The following DOC2B variants were observed in gnomAD, a reference collection of about 807,000 sequenced individuals.
The protein encoded by DOC2B is double C2 domain beta, also known as double C2-like domain-containing protein beta.
In DOC2B, 21 loss-of-function variants were observed where a neutral mutation model predicts 28.9. That is an observed-to-expected ratio of 0.73 (90% CI 0.52 to 1.05). DOC2B has a LOEUF of 1.05. Among genes scored for constraint, DOC2B ranks in the 50% least tolerant of loss-of-function variants. The pLI, the probability that DOC2B is intolerant of heterozygous loss-of-function variation, is 0.00. For missense variants in DOC2B, 384 were observed against 421.1 expected, an observed-to-expected ratio of 0.91 and a Z score of 0.77; for synonymous variants, 194 against 178.1, an observed-to-expected ratio of 1.09 and a Z score of -0.71.
At chr17:179,852 C>T (rs988089372) in intron 1 of DOC2B, among the ~76,000 whole-genome samples, 1 of 152,276 alleles carries the variant, frequency 6.6e-6, no homozygotes, top group Non-Finnish European at 1.5e-5. Flanking sequence ...AAGTGCAAAG[C>T]AGGCAGTTTC....
At chr17:174,422 G>C (rs2151475314) in intron 1 of DOC2B, among the ~76,000 whole-genome samples, 1 of 152,282 alleles carries the variant, frequency 6.6e-6, no homozygotes, top group South Asian at 2.1e-4. Flanking sequence ...CCCTATGGTG[G>C]GTTTTCTAGC....
At position 161,483 on chromosome 17, in the gene DOC2B, C is replaced by T. The variant is rs773765626; in HGVS notation, c.697G>A (p.Val233Met). The T allele has an allele frequency of 3.2e-6, 5 of 1,551,754 alleles. No individual in the cohort carries two copies. Among genetic ancestry groups the T allele is most frequent in the Non-Finnish European group, 4.4e-6 (5 of 1,147,006 alleles). Reference sequence around the variant, plus strand: ...TTGGGTTTCAGCTTCTTCAGGGGCACACGTGTCTCCCCGATGAACTCATTG... The same window carrying T: ...TTGGGTTTCAGCTTCTTCAGGGGCATACGTGTCTCCCCGATGAACTCATTG... The part of the protein sequence containing the change: ...RHNEFIGETR[V>M]PLKKLKPNHT... Residue 233 changes from valine (V) to methionine (M), a missense_variant, in exon 5 of 9, where the codon GTG (valine) becomes ATG (methionine). Val to Met is a conservative substitution (Grantham distance 21). Transcript: ENST00000613549.
chr17:174,962 G>A (rs3794813), intron 1 of DOC2B, among the ~76,000 whole-genome samples: 3 of 152,120 alleles, frequency 2.0e-5, no homozygotes, highest in South Asian at 2.1e-4. Context: ...AAAAATGGCC[G>A]GGTGTGGTGG....
intron 5 of DOC2B, 46 bp from the exon 6 acceptor site, chr17:156,423 C>G: frequency 6.5e-7 from 1 of 1,540,670 alleles, no homozygotes; most frequent in Non-Finnish European, 8.8e-7. Flanking sequence ...TCCCACCCCT[C>G]TCTTGGCCGT....
Position 162,208 on chromosome 17 carries a change from G to C in DOC2B, c.529-18C>G. ...TTATTTGCCTGGAGAAGAGAAAAAT[G>C]ATCTTATTAGCATCAAAGTGTGTAT... On this transcript the variant is annotated intron_variant, in intron 3 of 8. Coordinates refer to ENST00000613549, the MANE Select transcript of DOC2B (RefSeq NM_003585.5). 6.6e-7 allele frequency: 1 copy of C among 1,519,972 alleles called. No homozygotes were observed. Among genetic ancestry groups the C allele is most frequent in the Non-Finnish European group, 8.9e-7 (1 of 1,118,304 alleles). 94.2% of individuals were successfully genotyped at this position (1,519,972 alleles called of 1,614,324 possible).
chr17:173,709 T>C (rs561639169), intron 1 of DOC2B, among the ~76,000 whole-genome samples: 2 of 152,092 alleles, frequency 1.3e-5, no homozygotes, highest in South Asian at 2.1e-4. Context: ...ACCTGAGCCA[T>C]GAGGGATGAG....
chr17:174,185 A>G (rs1439014267), intron 1 of DOC2B, among the ~76,000 whole-genome samples: 2 of 152,196 alleles, frequency 1.3e-5, no homozygotes, highest in African/African-American at 4.8e-5. Flanking sequence ...GGTCAGGCAC[A>G]TGTCTCTGTC....
chr17:171,929 C>T (rs867207907), intron 2 of DOC2B, among the ~76,000 whole-genome samples: 9 of 138,120 alleles, frequency 6.5e-5, no homozygotes, highest in African/African-American at 2.2e-4. Context: ...AGGGGAGCAC[C>T]AGGGGCCGGG....
chr17:180,208 C>T (rs1046334970), intron 1 of DOC2B, among the ~76,000 whole-genome samples: 8 of 152,266 alleles, frequency 5.3e-5, no homozygotes, highest in Non-Finnish European at 7.3e-5. Flanking sequence ...CCACCCCGCG[C>T]AAACCGACTC....
chr17:162,843 C>T (rs2040220947), intron 3 of DOC2B, among the ~76,000 whole-genome samples: 1 of 152,206 alleles, frequency 6.6e-6, no homozygotes, highest in South Asian at 2.1e-4. Context: ...GGACCGTCCC[C>T]TCTGCCTGGA....
rs927554105 is a variant in DOC2B, at chr17:145,025, C to T, written c.*2416G>A. 5 of 152,204 alleles carry T rather than the reference C, an allele frequency of 3.3e-5. No homozygotes were observed. The highest frequency in any genetic ancestry group is 1.2e-4 in the African/African-American group (5 of 41,438). 9.4% of individuals were successfully genotyped at this position (152,204 alleles called of 1,614,324 possible). A position where few individuals can be genotyped will look rare whatever the true frequency, so the allele number is the denominator to read the frequency against. On this transcript the variant is annotated 3_prime_UTR_variant, in exon 9 of 9. Coordinates refer to ENST00000613549, the MANE Select transcript of DOC2B (RefSeq NM_003585.5). ...CACCAGGCCTTTTAGAAATAGACCA[C>T]CTCTTACCTTAGGCCCCCAGAGGGT...
chr17:173,257 T>G (rs549628906), intron 1 of DOC2B, among the ~76,000 whole-genome samples: 1 of 152,104 alleles, frequency 6.6e-6, no homozygotes, highest in African/African-American at 2.4e-5. Context: ...CAGCCATAAT[T>G]GGGTGCAGCT....
intron 2 of DOC2B, among the ~76,000 whole-genome samples, chr17:169,278 C>T (rs566112002): frequency 2.0e-5 from 3 of 152,070 alleles, no homozygotes; most frequent in African/African-American, 7.2e-5. Context: ...CGGGAGACTG[C>T]ACTTACATGA....
chr17:178,187 C>T (rs929341400), intron 1 of DOC2B, among the ~76,000 whole-genome samples: 31 of 152,364 alleles, frequency 2.0e-4, no homozygotes, highest in African/African-American at 7.2e-4. Flanking sequence ...TGACTTTGGT[C>T]TGCACCTGAA....
chr17:175,693 G>A (rs1378205295), intron 1 of DOC2B, among the ~76,000 whole-genome samples: 1 of 152,224 alleles, frequency 6.6e-6, no homozygotes, highest in Non-Finnish European at 1.5e-5. Flanking sequence ...ACACCCAAGT[G>A]TAAAAATGCA....
chr17:164,384 T>A (rs2040238942), intron 2 of DOC2B, among the ~76,000 whole-genome samples, 180 bp from the exon 3 acceptor site: 1 of 151,822 alleles, frequency 6.6e-6, no homozygotes, highest in Non-Finnish European at 1.5e-5. Context: ...GCTGATGCAA[T>A]CTCCCCTCCC....
At chr17:165,951 T>C (rs2040259093) in intron 2 of DOC2B, among the ~76,000 whole-genome samples, 1 of 152,220 alleles carries the variant, frequency 6.6e-6, no homozygotes, top group Non-Finnish European at 1.5e-5. Flanking sequence ...CTTACAAACC[T>C]TTGGGCCACC....
rs2039995635 is a variant in DOC2B at position 143,097 on chromosome 17, A to T, written c.*4344T>A. 1 of 152,170 alleles carries T rather than the reference A, an allele frequency of 6.6e-6. No homozygotes were observed. The highest frequency in any genetic ancestry group is 2.1e-4 in the South Asian group (1 of 4,822). 9.4% of individuals were successfully genotyped at this position (152,170 alleles called of 1,614,324 possible). On this transcript the variant is annotated 3_prime_UTR_variant, in exon 9 of 9. Transcript: ENST00000613549. ...GGATGAGTGGACAACAGCATGGTCG[A>T]CAGGTCCTGGTGCAAAATGTCTTGG... is the stretch of plus-strand genomic sequence containing the variant.
At chr17:175,021 C>T (rs1350443965) in intron 1 of DOC2B, among the ~76,000 whole-genome samples, 1 of 152,224 alleles carries the variant, frequency 6.6e-6, no homozygotes, top group African/African-American at 2.4e-5. Flanking sequence ...GGGTGGATCA[C>T]TTGAGCCCAG....
Sources: allele counts gnomAD v4.1 joint callset (sites outside exome capture counted in the v4.1 genomes callset), GRCh38; gene constraint gnomAD v4.1.1; transcripts MANE v1.5; gene names NCBI Gene and HGNC (gene_info 2026-07-23, HGNC 2026-07-21).